The following ERC2 variants were observed in gnomAD, a reference collection of about 807,000 sequenced individuals.
ERC2 encodes ERC protein 2.
Under a neutral mutation model 114.8 loss-of-function variants are expected in ERC2, and 42 were observed. The ratio of observed to expected loss-of-function variants is 0.37; its 90% CI spans 0.29 to 0.47. The LOEUF (loss-of-function observed/expected upper bound fraction) is 0.47, where lower values mean the gene tolerates loss of function less well. ERC2 is among the 20% of genes least tolerant of loss of function. The pLI is 0.99. For synonymous variants in ERC2, 454 were observed against 425.5 expected, an observed-to-expected ratio of 1.07 and a Z score of -0.82; for missense variants, 939 against 1,150.7, an observed-to-expected ratio of 0.82 and a Z score of 2.66.
intron 6 of ERC2, among the ~76,000 whole-genome samples, chr3:56,092,579 C>T (rs1422432988): frequency 6.6e-6 from 1 of 152,154 alleles, no homozygotes; most frequent in Non-Finnish European, 1.5e-5. Context: ...GAACTTACCT[C>T]ACTGATTTTT....
intron 2 of ERC2, among the ~76,000 whole-genome samples, chr3:56,315,956 T>C (rs929495290): frequency 6.6e-5 from 10 of 152,126 alleles, no homozygotes; most frequent in Non-Finnish European, 1.3e-4. Context: ...TAAATCGAAG[T>C]AAGCCCTTAC....
At chr3:56,064,551 A>C (rs952374751) in intron 7 of ERC2, among the ~76,000 whole-genome samples, 2 of 152,248 alleles carry the variant, frequency 1.3e-5, no homozygotes, top group African/African-American at 2.4e-5. Context: ...TTCACAAAAA[A>C]GCTACAGAAC....
chr3:56,371,940 C>T (rs2059377645), intron 2 of ERC2, among the ~76,000 whole-genome samples: 1 of 152,234 alleles, frequency 6.6e-6, no homozygotes. Context: ...TAGGAAAGCA[C>T]TAAGGAGCCT....
At chr3:55,524,187 C>A (rs2053154085) in intron 17 of ERC2, among the ~76,000 whole-genome samples, 1 of 152,192 alleles carries the variant, frequency 6.6e-6, no homozygotes, top group Non-Finnish European at 1.5e-5. Flanking sequence ...TCTATACTCG[C>A]CCATACAGCA....
At chr3:56,270,057 C>T (rs985282818) in intron 3 of ERC2, among the ~76,000 whole-genome samples, 1 of 108,512 alleles carries the variant, frequency 9.2e-6, no homozygotes, top group Non-Finnish European at 2.1e-5. Flanking sequence ...TCCCTACACC[C>T]AAACCATTTA....
At chr3:56,101,384 C>T (rs940836786) in intron 6 of ERC2, among the ~76,000 whole-genome samples, 3 of 114,230 alleles carry the variant, frequency 2.6e-5, no homozygotes, top group African/African-American at 1.1e-4. Flanking sequence ...CACATACGTG[C>T]TTCACCTGTT....
intron 11 of ERC2, 67 bp downstream of exon 11, chr3:55,991,990 C>T (rs563797503): frequency 7.7e-6 from 11 of 1,428,832 alleles, no homozygotes; most frequent in Admixed American, 3.7e-5. Flanking sequence ...CCACCACAAC[C>T]GGAGATGGGC....
intron 2 of ERC2, among the ~76,000 whole-genome samples, chr3:56,413,274 C>G (rs1450722303): frequency 1.3e-5 from 2 of 152,258 alleles, no homozygotes; most frequent in Non-Finnish European, 2.9e-5. Context: ...CTGCCATCCA[C>G]CCAGTTTTCC....
intron 12 of ERC2, among the ~76,000 whole-genome samples, chr3:55,970,198 G>A (rs953638757): frequency 1.3e-5 from 2 of 152,044 alleles, no homozygotes; most frequent in Non-Finnish European, 2.9e-5. Context: ...TAATTTATTT[G>A]TAAACAACAT....
intron 2 of ERC2, among the ~76,000 whole-genome samples, chr3:56,318,457 A>G (rs543196064): frequency 7.4e-4 from 113 of 152,318 alleles, no homozygotes; most frequent in Non-Finnish European, 1.4e-3. Flanking sequence ...GATTGCAGAC[A>G]TGAGCCACTG....
chr3:56,466,679 A>T (rs2063557122), intron 1 of ERC2, among the ~76,000 whole-genome samples: 2 of 152,186 alleles, frequency 1.3e-5, no homozygotes, highest in South Asian at 4.1e-4. Context: ...AACTGTCAGA[A>T]CTAAAAGAAT....
intron 1 of ERC2, among the ~76,000 whole-genome samples, chr3:56,442,491 G>A (rs1336491289): frequency 6.6e-6 from 1 of 152,026 alleles, no homozygotes; most frequent in Non-Finnish European, 1.5e-5. Flanking sequence ...AAAGTGCTGG[G>A]ATTACAGGCG....
At chr3:56,127,146 TA>T (rs1287528906) in intron 6 of ERC2, among the ~76,000 whole-genome samples, 1 of 151,972 alleles carries the variant, frequency 6.6e-6, no homozygotes, top group Admixed American at 6.6e-5. Context: ...ATGAAAAATA[TA>T]AAACATTGCT....
intron 15 of ERC2, among the ~76,000 whole-genome samples, chr3:55,704,846 C>T (rs116562232): frequency 6.6e-6 from 1 of 152,260 alleles, no homozygotes; most frequent in Non-Finnish European, 1.5e-5. Flanking sequence ...ACTTACTGAA[C>T]ATCTGCAACT....
intron 13 of ERC2, among the ~76,000 whole-genome samples, chr3:55,934,915 G>A (rs773186977): frequency 5.3e-5 from 8 of 152,042 alleles, no homozygotes; most frequent in Non-Finnish European, 1.0e-4. Context: ...AAAATCATGC[G>A]GTCTGGGGGA....
At chr3:56,126,077 C>G (rs2079848059) in intron 6 of ERC2, among the ~76,000 whole-genome samples, 1 of 152,296 alleles carries the variant, frequency 6.6e-6, no homozygotes, top group Non-Finnish European at 1.5e-5. Flanking sequence ...CTCTCCCTCC[C>G]CATCCCCCTG....
chr3:56,011,838 CTG>C (rs1326865401), intron 8 of ERC2, among the ~76,000 whole-genome samples: 1 of 152,086 alleles, frequency 6.6e-6, no homozygotes, highest in African/African-American at 2.4e-5. Flanking sequence ...AATAAGACAA[CTG>C]TAAAATAGTA....
chr3:56,266,352 G>A (rs1352515284), intron 3 of ERC2, among the ~76,000 whole-genome samples: 1 of 151,770 alleles, frequency 6.6e-6, no homozygotes, highest in Admixed American at 6.6e-5. Flanking sequence ...GGATGGTCTC[G>A]ATCTCCTGAC....
At chr3:55,544,753 A>C (rs922303435) in intron 17 of ERC2, among the ~76,000 whole-genome samples, 4 of 151,952 alleles carry the variant, frequency 2.6e-5, no homozygotes, top group African/African-American at 9.7e-5. Context: ...AACAATCACT[A>C]TCATTCCACA....
Sources: allele counts gnomAD v4.1 joint callset (sites outside exome capture counted in the v4.1 genomes callset), GRCh38; gene constraint gnomAD v4.1.1; transcripts MANE v1.5; gene names NCBI Gene and HGNC (gene_info 2026-07-23, HGNC 2026-07-21).